NAV2: variants seen among roughly 807,000 people sequenced by gnomAD.
The protein encoded by NAV2 is helicase, APC down-regulated 1.
NAV2 carries 54 observed loss-of-function variants against 223.2 expected under a neutral mutation model. The observed-to-expected ratio is 0.24, with a 90% CI of 0.19 to 0.30. NAV2 has a LOEUF of 0.30. NAV2 is among the 10% of genes least tolerant of loss of function. The pLI, the probability that NAV2 is intolerant of heterozygous loss-of-function variation, is 1.00. For missense variants in NAV2, 2,806 were observed against 3,147.5 expected, an observed-to-expected ratio of 0.89 and a Z score of 2.60; for synonymous variants, 1,279 against 1,239.3, an observed-to-expected ratio of 1.03 and a Z score of -0.67.
At chr11:19,345,322 C>T in the NAV2 span, among the ~76,000 whole-genome samples, 111 of 152,328 alleles carry the variant, frequency 7.3e-4, no homozygotes, top group Admixed American at 2.7e-3. The surrounding 1 kb of genome is among the most constrained non-coding windows in gnomAD (Gnocchi z 5.2). Flanking sequence ...GTAGGAACCC[C>T]CTATGCTGCC....
chr11:20,080,313 A>G, intron 25 of NAV2, 104 bp downstream of exon 25: 1 of 1,102,976 alleles, frequency 9.1e-7, no homozygotes, highest in South Asian at 1.6e-5. Flanking sequence ...TATCTGTGGA[A>G]CATAGCACTT....
rs181769188 is a variant in NAV2, at chr11:19,960,663, G to A, written c.2645+11583G>A. Among the ~76,000 whole-genome samples the A allele has an allele frequency of 1.6e-4, 24 of 151,642 alleles. No homozygotes were observed. The South Asian group carries it at 4.4e-3, about 28-fold the overall frequency. Reference sequence around the variant, plus strand: ...GAATCTTGCTCCGTTGCCCAGGCTGGAGGGCAGTGGCACAATCTCAGCTCA... The same window carrying A: ...GAATCTTGCTCCGTTGCCCAGGCTGAAGGGCAGTGGCACAATCTCAGCTCA... On this transcript the variant is annotated intron_variant, in intron 10 of 37. Transcript: ENST00000349880.
chr11:19,938,920 G>A (rs868473416), intron 7 of NAV2, among the ~76,000 whole-genome samples: 68 of 152,330 alleles, frequency 4.5e-4, no homozygotes, highest in African/African-American at 1.4e-3. Flanking sequence ...ATGCCAGTGC[G>A]TTAATAATGT....
intron 1 of NAV2, among the ~76,000 whole-genome samples, chr11:19,752,234 G>A (rs2053883157): frequency 6.6e-6 from 1 of 152,166 alleles, no homozygotes; most frequent in African/African-American, 2.4e-5. Flanking sequence ...CCACACGAGG[G>A]TACTCAGGGA....
chr11:19,391,359 T>A (rs1248517786), intron 1 of NAV2, among the ~76,000 whole-genome samples: 1 of 152,182 alleles, frequency 6.6e-6, no homozygotes, highest in Non-Finnish European at 1.5e-5. Context: ...CACAGCCTGG[T>A]TTCTACCACC....
chr11:19,683,758 G>C (rs942147538), intron 1 of NAV2, among the ~76,000 whole-genome samples: 55 of 152,310 alleles, frequency 3.6e-4, no homozygotes, highest in African/African-American at 1.3e-3. Context: ...TCAGCCCCTG[G>C]GGTTGCAAAC....
chr11:19,600,279 T>C (rs1468185265), intron 1 of NAV2, among the ~76,000 whole-genome samples: 1 of 152,220 alleles, frequency 6.6e-6, no homozygotes, highest in African/African-American at 2.4e-5. Context: ...CCTGCCCTGT[T>C]TGATGCACAA....
At chr11:20,079,192 G>A (rs1359248155) in intron 24 of NAV2, among the ~76,000 whole-genome samples, 2 of 152,102 alleles carry the variant, frequency 1.3e-5, no homozygotes, top group Non-Finnish European at 2.9e-5. Context: ...AGGCGCATGC[G>A]AACACGCCTG....
intron 1 of NAV2, among the ~76,000 whole-genome samples, chr11:19,556,470 C>T (rs945805508): frequency 1.3e-5 from 2 of 152,202 alleles, no homozygotes; most frequent in African/African-American, 4.8e-5. Context: ...GGAGGAACCA[C>T]AGCAGGGATC....
At chr11:19,983,145 G>T (rs1036877309) in intron 10 of NAV2, among the ~76,000 whole-genome samples, 1 of 152,142 alleles carries the variant, frequency 6.6e-6, no homozygotes, top group Non-Finnish European at 1.5e-5. Context: ...CTCCTCTGAA[G>T]ATGAGGGAAA....
At chr11:19,706,892 C>G (rs2049680110) in intron 1 of NAV2, among the ~76,000 whole-genome samples, 1 of 152,206 alleles carries the variant, frequency 6.6e-6, no homozygotes, top group African/African-American at 2.4e-5. Context: ...CTACTACACA[C>G]TTAGGCTATA....
chr11:19,497,847 C>T (rs2042846231), intron 1 of NAV2, among the ~76,000 whole-genome samples: 1 of 152,040 alleles, frequency 6.6e-6, no homozygotes, highest in African/African-American at 2.4e-5. Context: ...CAGGGATTGC[C>T]AGATTTGGGA....
intron 1 of NAV2, among the ~76,000 whole-genome samples, chr11:19,490,125 T>G (rs1052487816): frequency 6.6e-6 from 1 of 152,240 alleles, no homozygotes; most frequent in African/African-American, 2.4e-5. Flanking sequence ...TGCCAAAAAG[T>G]GCTAATGACC....
Position 20,078,035 on chromosome 11 carries a change from A to G in NAV2, c.5110A>G (p.Lys1704Glu). The change falls in exon 24 of 38, where the codon AAG becomes GAG. Residue 1704 changes from lysine (K) to glutamate (E), a missense_variant. Physicochemically the swap from Lys to Glu is moderately conservative, Grantham distance 56. Coordinates refer to ENST00000349880, the MANE Select transcript of NAV2 (RefSeq NM_145117.5). The part of the protein sequence containing the change: ...NELRKTIELL[K>E]KQNAAAQAAI... ...GTTAAGAAAAACCATTGAGCTGCTA[A>G]AGAAACAGAACGCAGCTGCCCAGGC... The G allele has an allele frequency of 1.2e-6, 2 of 1,613,198 alleles. No homozygotes were observed. Among genetic ancestry groups the G allele is most frequent in the Non-Finnish European group, 1.7e-6 (2 of 1,179,808 alleles).
At chr11:19,602,948 T>C (rs750370228) in intron 1 of NAV2, among the ~76,000 whole-genome samples, 2 of 151,798 alleles carry the variant, frequency 1.3e-5, no homozygotes, top group Non-Finnish European at 1.5e-5. Context: ...ACAGTGAGAG[T>C]CTGAAAGATG....
Position 20,111,787 on chromosome 11 carries a change from A to G in NAV2, c.6961-2805A>G, listed in dbSNP as rs183201528. On this transcript the variant is annotated intron_variant, in intron 36 of 37. Transcript: ENST00000349880. The stretch of plus-strand genomic sequence containing the variant: ...TTGGCCTTGGGTTCTCCATCTATAA[A>G]TTGACAAGTTTGGACTAGAAGAGTG... 4.0e-3 allele frequency among the ~76,000 whole-genome samples: 602 copies of G among 152,304 alleles called. 6 individuals carry two copies. The highest frequency in any genetic ancestry group is 0.024 in the Middle Eastern group (7 of 294).
chr11:19,443,263 G>A (rs558832102), intron 1 of NAV2, among the ~76,000 whole-genome samples: 37 of 152,236 alleles, frequency 2.4e-4, no homozygotes, highest in African/African-American at 8.2e-4. Flanking sequence ...CCTCCACTGC[G>A]ACACTTGGAT....
At chr11:19,740,349 G>C (rs1469641072) in intron 1 of NAV2, among the ~76,000 whole-genome samples, 2 of 152,176 alleles carry the variant, frequency 1.3e-5, no homozygotes, top group African/African-American at 4.8e-5. Context: ...TTGTTAAACA[G>C]ATGCTTGAAG....
At position 20,120,121 on chromosome 11, in the gene NAV2, T is replaced by G. The variant is rs1180020624; in HGVS notation, c.*1863T>G. The G allele has an allele frequency of 2.6e-5, 4 of 152,246 alleles. No individual in the cohort carries two copies. 9.4% of individuals were successfully genotyped at this position (152,246 alleles called of 1,614,324 possible). A position where few individuals can be genotyped will look rare whatever the true frequency, so the allele number is the denominator to read the frequency against. Reference sequence around the variant, plus strand: ...TTTTTATTCCATCTTTTGCATTTCTTCTATTTCTGAAGGTTTGTCTCTTGG... The same window carrying G: ...TTTTTATTCCATCTTTTGCATTTCTGCTATTTCTGAAGGTTTGTCTCTTGG... On this transcript the variant is annotated 3_prime_UTR_variant, in exon 38 of 38. Coordinates refer to ENST00000349880, the MANE Select transcript of NAV2 (RefSeq NM_145117.5).
Sources: allele counts gnomAD v4.1 joint callset (sites outside exome capture counted in the v4.1 genomes callset), GRCh38; gene constraint gnomAD v4.1.1; non-coding constraint Gnocchi (gnomAD v3.1); transcripts MANE v1.5; gene names NCBI Gene and HGNC (gene_info 2026-07-23, HGNC 2026-07-21).